The following OSBPL10 variants were observed in gnomAD, a reference collection of about 807,000 sequenced individuals.
The protein encoded by OSBPL10 is oxysterol-binding protein-related protein 10.
OSBPL10 carries 49 observed loss-of-function variants against 81.7 expected under a neutral mutation model. That is an observed-to-expected ratio of 0.60 (90% CI 0.48 to 0.76). The LOEUF is 0.76. Among genes scored for constraint, OSBPL10 ranks in the 30% least tolerant of loss-of-function variants. The pLI is 0.00. For missense variants in OSBPL10, 923 were observed against 987.8 expected (o/e 0.93, Z 0.88); for synonymous variants, 419 against 383.6 (o/e 1.09, Z -1.08).
intron 3 of OSBPL10, among the ~76,000 whole-genome samples, chr3:31,833,894 C>T (rs770207735): frequency 9.9e-5 from 15 of 152,132 alleles, no homozygotes; most frequent in Non-Finnish European, 2.1e-4. Flanking sequence ...CGGTGGATGT[C>T]TAAAACCATG....
In OSBPL10 at chr3:31,748,005, G is replaced by A. The variant is rs1697583671; in HGVS notation, c.845C>T (p.Ser282Phe). 1 of 1,614,078 alleles carries A rather than the reference G, an allele frequency of 6.2e-7. No homozygotes were observed. The highest frequency in any genetic ancestry group is 1.7e-5 in the Admixed American group (1 of 60,012). Residue 282 changes from serine (S) to phenylalanine (F), a missense_variant, in exon 5 of 12, where the codon TCT becomes TTT. Ser to Phe is a radical substitution (Grantham distance 155, BLOSUM62 -2). Transcript: ENST00000396556. Reference protein sequence around the residue: ...DQDLLLLKATSAATLSCLGEC... With the variant: ...DQDLLLLKATFAATLSCLGEC... The stretch of plus-strand genomic sequence containing the variant: ...CCCAAGGCAGCTGAGGGTGGCAGCA[G>A]AGGTAGCTTTCAGGAGCAGCAGGTC...
chr3:31,879,918 A>G, intron 1 of OSBPL10, 88 bp from the exon 2 acceptor site: 1 of 1,355,320 alleles, frequency 7.4e-7, no homozygotes, highest in Non-Finnish European at 9.9e-7. Flanking sequence ...TCCAGAAGTC[A>G]ACATCAAGAC....
intron 5 of OSBPL10, among the ~76,000 whole-genome samples, chr3:31,738,526 C>T (rs759249872): frequency 3.3e-4 from 50 of 152,256 alleles, no homozygotes; most frequent in Non-Finnish European, 3.7e-4. Context: ...CATCCCCAGC[C>T]AAAATGTCTT....
At chr3:31,833,705 GCACA>G (rs10591808) in intron 3 of OSBPL10, among the ~76,000 whole-genome samples, 555 of 138,024 alleles carry the variant, frequency 4.0e-3, no homozygotes, top group African/African-American at 0.01. Flanking sequence ...ACACGCACAC[GCACA>G]CACACACACA....
chr3:32,006,952 G>A (rs1392728829), intron 2 of OSBPL10, among the ~76,000 whole-genome samples: 1 of 151,710 alleles, frequency 6.6e-6, no homozygotes, highest in Non-Finnish European at 1.5e-5. Context: ...TATTTTTGTA[G>A]AGATGTGGTC....
chr3:31,975,311 C>T (rs535133758), intron 1 of OSBPL10, among the ~76,000 whole-genome samples: 3 of 152,252 alleles, frequency 2.0e-5, no homozygotes, highest in Admixed American at 6.5e-5. Context: ...CCTATGTACA[C>T]GCGGACAAGA....
intron 2 of OSBPL10, among the ~76,000 whole-genome samples, chr3:32,026,345 C>T (rs1013022573): frequency 6.6e-6 from 1 of 152,040 alleles, no homozygotes; most frequent in Non-Finnish European, 1.5e-5. Context: ...ACTGTGTTGC[C>T]CAGGCTAGTT....
chr3:31,746,926 T>C (rs1697544251), intron 5 of OSBPL10, among the ~76,000 whole-genome samples: 2 of 152,118 alleles, frequency 1.3e-5, no homozygotes, highest in Non-Finnish European at 2.9e-5. Flanking sequence ...TATACATATG[T>C]AGCAAACCTG....
At chr3:31,840,147 C>T (rs772943706) in intron 3 of OSBPL10, among the ~76,000 whole-genome samples, 3 of 151,880 alleles carry the variant, frequency 2.0e-5, no homozygotes, top group East Asian at 1.9e-4. Context: ...AAGGCGAGTG[C>T]GTGCTGAGGA....
At chr3:31,789,553 G>C (rs1389299712) in intron 4 of OSBPL10, among the ~76,000 whole-genome samples, 1 of 152,242 alleles carries the variant, frequency 6.6e-6, no homozygotes, top group African/African-American at 2.4e-5. Flanking sequence ...GCATGTGCCT[G>C]TGAAAGAAGT....
intron 4 of OSBPL10, among the ~76,000 whole-genome samples, chr3:31,824,023 T>G (rs955393055): frequency 1.3e-5 from 2 of 152,142 alleles, no homozygotes; most frequent in Admixed American, 1.3e-4. Flanking sequence ...AGCTACTTTT[T>G]TGCATTTTTG....
chr3:31,929,621 G>A (rs1304870348), intron 1 of OSBPL10, among the ~76,000 whole-genome samples: 8 of 151,762 alleles, frequency 5.3e-5, no homozygotes, highest in African/African-American at 1.2e-4. Flanking sequence ...GGTGGCAGCC[G>A]CCTGTAGTCC....
chr3:31,874,559 T>C (rs918855056), intron 3 of OSBPL10, among the ~76,000 whole-genome samples: 13 of 152,192 alleles, frequency 8.5e-5, no homozygotes, highest in African/African-American at 2.9e-4. Context: ...AAGTGAAGGA[T>C]ATAAATTGGC....
chr3:31,981,293 C>T (rs1043918618), upstream of OSBPL10: 3 of 1,283,828 alleles, frequency 2.3e-6, no homozygotes, highest in African/African-American at 3.1e-5. This position sits in a 1 kb window ranked among gnomAD's most constrained non-coding sequence, Gnocchi z 4.5. Context: ...CTCCAAATCC[C>T]CGGGAAATGC....
In OSBPL10 at chr3:31,664,172, C is replaced by T. The variant is rs143449583; in HGVS notation, c.2157G>A (p.Glu719=). Residue 719 remains glutamate (E), a synonymous_variant, in exon 11 of 12, where the codon GAG becomes GAA. Coordinates refer to ENST00000396556, the MANE Select transcript of OSBPL10 (RefSeq NM_017784.5). ...GCTTCTCCTCCAGGTGCCGCTTCTG[C>T]TCGGTGGCTGCGTCAATGTCCCCCA... ...LRLGDIDAAT[E]QKRHLEEKQR... 1,854 of 1,613,630 alleles carry T rather than the reference C, an allele frequency of 1.1e-3. 2 individuals carry two copies. Among genetic ancestry groups the T allele is most frequent in the Non-Finnish European group, 1.5e-3 (1,720 of 1,180,020 alleles).
intron 5 of OSBPL10, among the ~76,000 whole-genome samples, chr3:31,743,056 T>C (rs1697404064): frequency 6.8e-6 from 1 of 147,476 alleles, no homozygotes; most frequent in Non-Finnish European, 1.5e-5. Flanking sequence ...TTTTTTTTTT[T>C]TTTAGAGAGA....
intron 2 of OSBPL10, among the ~76,000 whole-genome samples, chr3:32,029,250 G>A (rs1699445140): frequency 6.6e-6 from 1 of 152,162 alleles, no homozygotes; most frequent in South Asian, 2.1e-4. Context: ...CAGGTTGCCT[G>A]CCAGGCCCTC....
In OSBPL10 at chr3:31,868,351, G is replaced by T. The variant is rs148034003; in HGVS notation, c.537+8082C>A. Among the ~76,000 whole-genome samples the T allele has an allele frequency of 3.1e-3, 477 of 152,270 alleles. 1 individual carries two copies. The highest frequency in any genetic ancestry group is 0.011 in the African/African-American group (438 of 41,554). On this transcript the variant is annotated intron_variant, in intron 3 of 11. Transcript: ENST00000396556. ...GCACTAAGAATACATTTGCAGTGAG[G>T]ATGGGGAATGCCAGTCAGAAAACAG...
rs182953156 is a variant in OSBPL10, at chr3:31,989,188, G to C, written n.298+57303C>G. On this transcript the variant is annotated intron_variant and non_coding_transcript_variant, in intron 2 of 3. Transcript: ENST00000479173. The stretch of plus-strand genomic sequence containing the variant: ...TGTGGCTATAGAATTCTCTTTGGAG[G>C]AGTGGAAATGCCTGGACCCTACGCA... The C allele has an allele frequency of 7.4e-4, 1,202 of 1,614,170 alleles. 10 individuals carry two copies. Among genetic ancestry groups the C allele is most frequent in the Non-Finnish European group, 4.0e-4 (468 of 1,180,030 alleles).
Sources: allele counts gnomAD v4.1 joint callset (sites outside exome capture counted in the v4.1 genomes callset), GRCh38; gene constraint gnomAD v4.1.1; non-coding constraint Gnocchi (gnomAD v3.1); transcripts MANE v1.5; gene names NCBI Gene and HGNC (gene_info 2026-07-23, HGNC 2026-07-21).